CD28: variants seen among roughly 807,000 people sequenced by gnomAD.
The protein encoded by CD28 is T-cell-specific surface glycoprotein CD28.
A neutral mutation model predicts 21.4 loss-of-function variants in CD28; 8 were observed. That is an observed-to-expected ratio of 0.37 (90% CI 0.22 to 0.68). CD28 has a LOEUF of 0.68. Among genes scored for constraint, CD28 ranks in the 30% least tolerant of loss-of-function variants. The probability of loss-of-function intolerance (pLI) is 0.55; values close to 1 mark genes in which losing one functional copy is unlikely to be tolerated. For missense variants in CD28, 239 were observed against 272.2 expected, an observed-to-expected ratio of 0.88 and a Z score of 0.86; for synonymous variants, 106 against 104.0, an observed-to-expected ratio of 1.02 and a Z score of -0.12.
chr2:203,728,565 T>A (rs1693810137), intron 2 of CD28, among the ~76,000 whole-genome samples: 2 of 152,218 alleles, frequency 1.3e-5, no homozygotes, highest in South Asian at 4.1e-4. Context: ...GAATTGTTAA[T>A]GTGGCAGATA....
intron 2 of CD28, among the ~76,000 whole-genome samples, chr2:203,727,445 C>CTTTT (rs60721939): frequency 2.7e-5 from 4 of 148,566 alleles, no homozygotes; most frequent in African/African-American, 9.9e-5. Context: ...TTCCTTCCTT[C>CTTTT]CTTCCTTCCT....
At chr2:203,724,722 T>C (rs990849293) in intron 1 of CD28, among the ~76,000 whole-genome samples, 2 of 152,166 alleles carry the variant, frequency 1.3e-5, no homozygotes, top group Non-Finnish European at 2.9e-5. Flanking sequence ...AAAGCTACTA[T>C]TAATTTAGTT....
chr2:203,710,135 T>A (rs1330147347), intron 1 of CD28, among the ~76,000 whole-genome samples: 1 of 152,224 alleles, frequency 6.6e-6, no homozygotes, highest in Non-Finnish European at 1.5e-5. Flanking sequence ...AAAAGATGAA[T>A]GTCAAAAAAT....
chr2:203,729,872 T>C (rs1693843978), intron 3 of CD28, 100 bp downstream of exon 3: 1 of 1,200,530 alleles, frequency 8.3e-7, no homozygotes, highest in Non-Finnish European at 1.2e-6. Flanking sequence ...CTGTTTAATA[T>C]AGGATGATGA....
At chr2:203,720,291 G>A (rs867022145) in intron 1 of CD28, among the ~76,000 whole-genome samples, 1 of 152,220 alleles carries the variant, frequency 6.6e-6, no homozygotes, top group Non-Finnish European at 1.5e-5. Flanking sequence ...GAAAAGCAAA[G>A]CACTAAATTC....
rs1444905488 is a variant in CD28 at position 203,736,209 on chromosome 2, G to A, written c.*1297G>A. Reference sequence around the variant, plus strand: ...TGTGGAAAGAGCGTCCATAGGAGAAGTGAGAATACTGTGAAAAAGGGATGT... The same window carrying A: ...TGTGGAAAGAGCGTCCATAGGAGAAATGAGAATACTGTGAAAAAGGGATGT... On this transcript the variant is annotated 3_prime_UTR_variant, in exon 4 of 4. Coordinates refer to ENST00000324106, the MANE Select transcript of CD28 (RefSeq NM_006139.4). 1 of 152,632 alleles carries A rather than the reference G, an allele frequency of 6.6e-6. No individual in the cohort carries two copies. The highest frequency in any genetic ancestry group is 1.9e-4 in the East Asian group (1 of 5,194). The allele number at this position is 152,632 out of a possible 1,614,324, so 9.5% of individuals were successfully genotyped here.
At chr2:203,717,053 C>G (rs894818001) in intron 1 of CD28, among the ~76,000 whole-genome samples, 5 of 152,072 alleles carry the variant, frequency 3.3e-5, no homozygotes, top group African/African-American at 1.2e-4. Flanking sequence ...CGCCATGTTG[C>G]CCAGGCTGGT....
chr2:203,724,858 C>T (rs533777058), intron 1 of CD28, among the ~76,000 whole-genome samples: 1 of 152,110 alleles, frequency 6.6e-6, no homozygotes, highest in African/African-American at 2.4e-5. Context: ...TGTGGGTATA[C>T]GGGATGTTGC....
intron 1 of CD28, among the ~76,000 whole-genome samples, chr2:203,707,222 G>C (rs369755076): frequency 6.6e-6 from 1 of 151,518 alleles, no homozygotes; most frequent in Non-Finnish European, 1.5e-5. Context: ...TAAGTAGATT[G>C]GCTCTGGAAG....
At chr2:203,716,122 C>T (rs973381531) in intron 1 of CD28, among the ~76,000 whole-genome samples, 2 of 152,160 alleles carry the variant, frequency 1.3e-5, no homozygotes, top group African/African-American at 4.8e-5. Flanking sequence ...TTTCTTGGCT[C>T]CCCATGACTG....
At chr2:203,713,688 G>A (rs1197546161) in intron 1 of CD28, among the ~76,000 whole-genome samples, 1 of 152,066 alleles carries the variant, frequency 6.6e-6, no homozygotes, top group Non-Finnish European at 1.5e-5. Flanking sequence ...GTGAAAAGGA[G>A]AGGAAATAGA....
intron 2 of CD28, among the ~76,000 whole-genome samples, chr2:203,727,967 G>A (rs755792307): frequency 1.3e-5 from 2 of 152,030 alleles, no homozygotes; most frequent in Non-Finnish European, 2.9e-5. Context: ...GTGAGCCACC[G>A]CGCCCAGCCA....
intron 1 of CD28, among the ~76,000 whole-genome samples, chr2:203,712,665 A>G (rs1220948040): frequency 6.6e-6 from 1 of 152,236 alleles, no homozygotes; most frequent in Non-Finnish European, 1.5e-5. Flanking sequence ...ATATTTGTTG[A>G]AGAAAGAAAT....
intron 2 of CD28, among the ~76,000 whole-genome samples, chr2:203,728,578 C>A (rs564402847): frequency 1.3e-5 from 2 of 152,216 alleles, no homozygotes; most frequent in Admixed American, 6.5e-5. Flanking sequence ...GGCAGATAAG[C>A]TTTTGTGTTC....
At position 203,738,718 on chromosome 2, in the gene CD28, A is replaced by G. The variant is rs1458452083; in HGVS notation, c.*3806A>G. On this transcript the variant is annotated 3_prime_UTR_variant, in exon 4 of 4. Transcript: ENST00000324106. Reference sequence around the variant, plus strand: ...AAGTGTCATCTTCTCCCCTAGTTAAACTACCCCACACCCTGTCTGCTTTCC... The same window carrying G: ...AAGTGTCATCTTCTCCCCTAGTTAAGCTACCCCACACCCTGTCTGCTTTCC... The G allele has an allele frequency of 6.6e-6, 1 of 151,916 alleles. No individual in the cohort carries two copies. The highest frequency in any genetic ancestry group is 1.5e-5 in the Non-Finnish European group (1 of 67,966). 9.4% of individuals were successfully genotyped at this position (151,916 alleles called of 1,614,324 possible).
At chr2:203,710,901 C>A (rs1693294332) in intron 1 of CD28, among the ~76,000 whole-genome samples, 1 of 152,086 alleles carries the variant, frequency 6.6e-6, no homozygotes, top group African/African-American at 2.4e-5. Flanking sequence ...TTTTTGTTTG[C>A]CTTTTTCTTC....
rs1202305808 is a variant in CD28 at position 203,726,684 on chromosome 2, C to A, written c.104C>A (p.Ala35Glu). 3 of 1,613,990 alleles carry A rather than the reference C, an allele frequency of 1.9e-6. No individual in the cohort carries two copies. Among genetic ancestry groups the A allele is most frequent in the Non-Finnish European group, 2.5e-6 (3 of 1,179,966 alleles). Residue 35 changes from alanine to glutamate, a missense_variant, in exon 2 of 4, where the codon GCG (alanine) becomes GAG (glutamate). This residue lies in a region of CD28 where 104 missense variants were observed against 108.5 expected (regional missense o/e 0.96). Transcript: ENST00000324106. ...QSPMLVAYDN[A>E]VNLSCKYSYN... The stretch of plus-strand genomic sequence containing the variant: ...CCCATGCTTGTAGCGTACGACAATG[C>A]GGTCAACCTTAGCTGCAAGTATTCC...
intron 2 of CD28, 58 bp from the exon 3 acceptor site, chr2:203,729,590 G>A: frequency 1.3e-6 from 2 of 1,538,432 alleles, no homozygotes; most frequent in South Asian, 1.2e-5. Context: ...TCACAAGGAA[G>A]GAAATGCACT....
At chr2:203,732,350 C>T (rs1693916929) in intron 3 of CD28, among the ~76,000 whole-genome samples, 1 of 152,182 alleles carries the variant, frequency 6.6e-6, no homozygotes, top group Non-Finnish European at 1.5e-5. Flanking sequence ...TGTCACAGGC[C>T]AGCACCTGTC....
Sources: allele counts gnomAD v4.1 joint callset (sites outside exome capture counted in the v4.1 genomes callset), GRCh38; gene constraint gnomAD v4.1.1; regional missense constraint gnomAD v4.1.1; transcripts MANE v1.5; gene names NCBI Gene and HGNC (gene_info 2026-07-23, HGNC 2026-07-21).